SIRT5: variants seen among roughly 807,000 people sequenced by gnomAD.
SIRT5 encodes NAD-dependent protein deacylase sirtuin-5, mitochondrial.
SIRT5 carries 26 observed loss-of-function variants against 40.0 expected under a neutral mutation model. That is an observed-to-expected ratio of 0.65 (90% CI 0.48 to 0.90). The LOEUF is 0.90. SIRT5 is among the 40% of genes least tolerant of loss of function. SIRT5 has a pLI of 0.00. For synonymous variants in SIRT5, 146 were observed against 149.1 expected, an observed-to-expected ratio of 0.98 and a Z score of 0.15; for missense variants, 401 against 402.4, an observed-to-expected ratio of 1.00 and a Z score of 0.03.
intron 9 of SIRT5, among the ~76,000 whole-genome samples, chr6:13,601,893 C>T (rs1389355238): frequency 1.3e-5 from 2 of 152,022 alleles, no homozygotes; most frequent in Non-Finnish European, 2.9e-5. Flanking sequence ...CAGTAGGCCC[C>T]TCCTCAAGTG....
intron 2 of SIRT5, among the ~76,000 whole-genome samples, chr6:13,583,554 A>G (rs528278410): frequency 9.2e-5 from 14 of 152,108 alleles, no homozygotes; most frequent in Non-Finnish European, 1.6e-4. Context: ...TCGGCCTCCC[A>G]AAGTGGTGGG....
intron 8 of SIRT5, among the ~76,000 whole-genome samples, 156 bp downstream of exon 8, chr6:13,599,311 G>A (rs1386572334): frequency 6.6e-6 from 1 of 151,730 alleles, no homozygotes; most frequent in African/African-American, 2.4e-5. Context: ...ATGTTGAGAG[G>A]TCTTTGTGGT....
chr6:13,578,542 G>A (rs1008451744), intron 1 of SIRT5, among the ~76,000 whole-genome samples: 3 of 151,012 alleles, frequency 2.0e-5, no homozygotes, highest in African/African-American at 4.9e-5. Flanking sequence ...GCATGAACCC[G>A]GGAGGTGGAG....
intron 2 of SIRT5, among the ~76,000 whole-genome samples, chr6:13,580,418 C>T (rs1276938764): frequency 2.0e-5 from 3 of 152,072 alleles, no homozygotes; most frequent in Non-Finnish European, 2.9e-5. Flanking sequence ...TGTAATTTTA[C>T]GTTGCTCTAA....
chr6:13,577,567 A>T (rs1197810512), intron 1 of SIRT5, among the ~76,000 whole-genome samples: 1 of 151,044 alleles, frequency 6.6e-6, no homozygotes, highest in Non-Finnish European at 1.5e-5. Flanking sequence ...TCTGTATATA[A>T]AATCATATTA....
chr6:13,584,087 C>A lies in SIRT5; in HGVS notation c.-24C>A. 6.4e-7 allele frequency: 1 copy of A among 1,563,690 alleles called. No individual in the cohort carries two copies. Among genetic ancestry groups the A allele is most frequent in the Non-Finnish European group, 8.8e-7 (1 of 1,134,992 alleles). ...TGATTTTTCTAAAGCCCGCCTCAAG[C>A]ATTAGAACTACAGACAAACCCTGAT... is the stretch of plus-strand genomic sequence containing the variant. On this transcript the variant is annotated 5_prime_UTR_variant, in exon 3 of 10. Coordinates refer to ENST00000606117, the MANE Select transcript of SIRT5 (RefSeq NM_012241.5).
intron 9 of SIRT5, among the ~76,000 whole-genome samples, chr6:13,610,041 CA>C (rs1763628281): frequency 6.6e-6 from 1 of 152,260 alleles, no homozygotes; most frequent in East Asian, 1.9e-4. Context: ...AATCATAACT[CA>C]CTGCAGCTTC....
Position 13,588,395 on chromosome 6 carries a change from T to C in SIRT5, c.180T>C (p.Gly60=). Residue 60 remains glycine (G), a synonymous_variant, in exon 4 of 10, where the codon GGT becomes GGC. Transcript: ENST00000606117. ...ACATAGTCATCATCTCAGGAGCTGGTGTTAGTGCAGAAAGTGGTGTTCCGA... is the reference window on the plus strand; with the variant it reads ...ACATAGTCATCATCTCAGGAGCTGGCGTTAGTGCAGAAAGTGGTGTTCCGA... ...AKHIVIISGA[G]VSAESGVPTF... is the part of the protein sequence containing the mutation. 1 of 1,614,182 alleles carries C rather than the reference T, an allele frequency of 6.2e-7. No homozygotes were observed. The highest frequency in any genetic ancestry group is 8.5e-7 in the Non-Finnish European group (1 of 1,180,020).
At chr6:13,610,373 A>G (rs370291071) in intron 9 of SIRT5, among the ~76,000 whole-genome samples, 4 of 152,192 alleles carry the variant, frequency 2.6e-5, no homozygotes, top group East Asian at 3.8e-4. Flanking sequence ...TTAGCGATCT[A>G]TTCACTGAAA....
intron 2 of SIRT5, among the ~76,000 whole-genome samples, 152 bp from the exon 3 acceptor site, chr6:13,583,924 A>G (rs1276296988): frequency 6.6e-6 from 1 of 152,196 alleles, no homozygotes; most frequent in East Asian, 1.9e-4. Flanking sequence ...AGATTTTTTA[A>G]AGGACATTCG....
intron 3 of SIRT5, among the ~76,000 whole-genome samples, chr6:13,586,226 G>A (rs1435755915): frequency 6.6e-6 from 1 of 152,162 alleles, no homozygotes; most frequent in East Asian, 1.9e-4. Flanking sequence ...TTCTTTTGCT[G>A]TGCAGAAGCT....
chr6:13,596,045 T>C (rs1396531069), intron 6 of SIRT5, among the ~76,000 whole-genome samples: 2 of 152,052 alleles, frequency 1.3e-5, no homozygotes, highest in African/African-American at 4.8e-5. Context: ...ATAAAAGAAA[T>C]ATTTTGCTCA....
At chr6:13,575,360 TGAG>T (rs1758473311) in intron 1 of SIRT5, among the ~76,000 whole-genome samples, 1 of 151,956 alleles carries the variant, frequency 6.6e-6, no homozygotes, top group South Asian at 2.1e-4. Context: ...GAGACGACCT[TGAG>T]GAAAGCAGGT....
At chr6:13,604,501 A>G (rs1762839565) in intron 9 of SIRT5, 5 of 1,577,214 alleles carry the variant, frequency 3.2e-6, no homozygotes, top group Non-Finnish European at 4.3e-6. Context: ...CTCATCTCTA[A>G]TTATTATAAA....
At chr6:13,574,527 G>T, upstream of SIRT5, 1 of 152,366 alleles carries the variant, frequency 6.6e-6, no homozygotes. Context: ...TTGGAGGAAG[G>T]GATGTGGGGG....
rs200452552 is a variant in SIRT5 at position 13,599,160 on chromosome 6, G to A, written c.741+5G>A. The A allele has an allele frequency of 3.1e-6, 5 of 1,613,136 alleles. No individual in the cohort carries two copies. Among genetic ancestry groups the A allele is most frequent in the South Asian group, 1.1e-5 (1 of 90,856 alleles). On this transcript the variant is annotated splice_donor_5th_base_variant and intron_variant, in intron 8 of 9. Coordinates refer to ENST00000606117, the MANE Select transcript of SIRT5 (RefSeq NM_012241.5). ...CACTGTGATTTATGTCTAGTGGTGGGTCATGCCCTTCCCTAACCCCAGGAC... is the reference window on the plus strand; with the variant it reads ...CACTGTGATTTATGTCTAGTGGTGGATCATGCCCTTCCCTAACCCCAGGAC...
rs566991042 is a variant in SIRT5 at position 13,603,752 on chromosome 6, A to G, written c.857+2803A>G. 2.0e-5 allele frequency among the ~76,000 whole-genome samples: 3 copies of G among 152,366 alleles called. No homozygotes were observed. In the East Asian group the frequency reaches 5.8e-4, roughly 29 times the overall value. On this transcript the variant is annotated intron_variant, in intron 9 of 9. Coordinates refer to ENST00000606117, the MANE Select transcript of SIRT5 (RefSeq NM_012241.5). ...CATCTACACAAAAATCTGTACACAA[A>G]TGTTCATAGCAACTTGTTAATGGAA...
chr6:13,575,592 T>C (rs980771293), intron 1 of SIRT5, among the ~76,000 whole-genome samples: 6 of 152,190 alleles, frequency 3.9e-5, no homozygotes, highest in Middle Eastern at 3.4e-3. Context: ...TACAGTGTAA[T>C]GTTTTGATAT....
rs1365153724 is a variant in SIRT5, at chr6:13,607,803, G to A, written c.858-3987G>A. ...GAGTCTGGCTCTGTTGCCCAGGCTGGACTGCAGTGGCACGATCTCGACTCA... is the reference window on the plus strand; with the variant it reads ...GAGTCTGGCTCTGTTGCCCAGGCTGAACTGCAGTGGCACGATCTCGACTCA... On this transcript the variant is annotated intron_variant, in intron 9 of 9. Coordinates refer to ENST00000606117, the MANE Select transcript of SIRT5 (RefSeq NM_012241.5). This position sits in a 1 kb window ranked among gnomAD's most constrained non-coding sequence, Gnocchi z 4.0. Among the ~76,000 whole-genome samples, 2 of 152,148 alleles carry A rather than the reference G, an allele frequency of 1.3e-5. No homozygotes were observed. Among genetic ancestry groups the A allele is most frequent in the African/African-American group, 4.8e-5 (2 of 41,422 alleles).
Sources: gnomAD v4.1 joint callset for allele counts (sites outside exome capture counted in the v4.1 genomes callset) on GRCh38, gnomAD v4.1.1 for gene constraint, Gnocchi (gnomAD v3.1) non-coding constraint, MANE v1.5 for transcripts, NCBI Gene and HGNC (gene_info 2026-07-23, HGNC 2026-07-21) for gene names.